ATP8A1: variants seen among roughly 807,000 people sequenced by gnomAD.
The protein encoded by ATP8A1 is ATPase phospholipid transporting 8A1.
ATP8A1 carries 90 observed loss-of-function variants against 177.7 expected under a neutral mutation model. The observed-to-expected ratio is 0.51, with a 90% CI of 0.43 to 0.60. The LOEUF (loss-of-function observed/expected upper bound fraction) is 0.60. Ranked by LOEUF, ATP8A1 falls within the 20% of genes least tolerant of loss-of-function variation. The pLI is 0.00. For missense variants in ATP8A1, 1,072 were observed against 1,392.8 expected (o/e 0.77, Z 3.67); for synonymous variants, 493 against 485.9 (o/e 1.01, Z -0.19).
At chr4:42,628,081 AG>A (rs1400998478) in intron 1 of ATP8A1, among the ~76,000 whole-genome samples, 1 of 152,160 alleles carries the variant, frequency 6.6e-6, no homozygotes, top group Non-Finnish European at 1.5e-5. Flanking sequence ...AGGGCCATAG[AG>A]GGTGTGTTAT....
chr4:42,610,854 C>T lies in ATP8A1; in HGVS notation c.409+5179G>A, dbSNP rs576869866. Among the ~76,000 whole-genome samples the T allele has an allele frequency of 3.9e-4, 60 of 152,250 alleles. 1 individual carries two copies. In the South Asian group the frequency reaches 7.7e-3, roughly 19 times the overall value. ...CCATTTATAGGTAAGCCAACATACA[C>T]GTGGCAGAATATATGTTCAGGTCTA... On this transcript the variant is annotated intron_variant, in intron 5 of 36. Transcript: ENST00000381668.
chr4:42,601,038 T>TC lies in ATP8A1; in HGVS notation c.410-521_410-520insG, dbSNP rs1553913940. On this transcript the variant is annotated intron_variant, in intron 5 of 36. Coordinates refer to ENST00000381668, the MANE Select transcript of ATP8A1 (RefSeq NM_006095.2). Reference sequence around the variant, plus strand: ...GCAAAAACAACCCAAATTTTCTTTTTTTTTTTTTTTTTTTTGAGATGGAGT... The same window carrying TC: ...GCAAAAACAACCCAAATTTTCTTTTTCTTTTTTTTTTTTTTTGAGATGGAGT... 9.6e-3 allele frequency among the ~76,000 whole-genome samples: 1,343 copies of TC among 139,848 alleles called. 14 individuals carry two copies. The highest frequency in any genetic ancestry group is 0.025 in the Middle Eastern group (7 of 280). 91.7% of individuals were successfully genotyped at this position (139,848 alleles called of 152,430 possible).
At chr4:42,617,295 C>T (rs530937750) in intron 4 of ATP8A1, among the ~76,000 whole-genome samples, 2 of 152,216 alleles carry the variant, frequency 1.3e-5, no homozygotes, top group South Asian at 2.1e-4. Flanking sequence ...AATGCCTCTG[C>T]GAAAGAATTG....
At chr4:42,607,837 C>T (rs886868402) in intron 5 of ATP8A1, among the ~76,000 whole-genome samples, 15 of 145,064 alleles carry the variant, frequency 1.0e-4, no homozygotes, top group Non-Finnish European at 1.2e-4. Context: ...ATATGGAAAG[C>T]GTTAAGAGCC....
At position 42,517,343 on chromosome 4, in the gene ATP8A1, A is replaced by G. The variant is rs529935720; in HGVS notation, c.1947+4817T>C. ...GATTTAAAAAATATAGGCTGACACT[A>G]TAAGTGGTTTCCCAATCTAAAATTA... On this transcript the variant is annotated intron_variant, in intron 22 of 36. Transcript: ENST00000381668. Among the ~76,000 whole-genome samples the G allele has an allele frequency of 5.9e-5, 9 of 152,046 alleles. No homozygotes were observed. The South Asian group carries it at 1.2e-3, about 21-fold the overall frequency.
chr4:42,530,920 A>G (rs1039483708), intron 20 of ATP8A1, among the ~76,000 whole-genome samples: 4 of 152,194 alleles, frequency 2.6e-5, no homozygotes, highest in Non-Finnish European at 5.9e-5. Flanking sequence ...CTGCGACATT[A>G]TGTTCTGCTG....
intron 1 of ATP8A1, among the ~76,000 whole-genome samples, chr4:42,634,523 T>C (rs1444737615): frequency 1.3e-5 from 2 of 152,158 alleles, no homozygotes; most frequent in Non-Finnish European, 2.9e-5. Flanking sequence ...CATTATTACA[T>C]GGTAATCAAT....
chr4:42,543,863 T>C (rs532025368), intron 20 of ATP8A1, 54 bp downstream of exon 20: 10 of 1,310,690 alleles, frequency 7.6e-6, no homozygotes, highest in African/African-American at 6.0e-5. Flanking sequence ...GCCTAACATA[T>C]ACATTATAAA....
rs11311245 is a variant in ATP8A1 at position 42,446,080 on chromosome 4, C to CAAAAAAAAAAAAAAAAAAAAAAAA, written c.2958+502_2958+503insTTTTTTTTTTTTTTTTTTTTTTTT. On this transcript the variant is annotated intron_variant, in intron 31 of 36. Transcript: ENST00000381668. ...GGGCGACAAGAGTGAAACGCCCTCT[C>CAAAAAAAAAAAAAAAAAAAAAAAA]AAAAAAAAAAAAAAAAAAAGAGAAG... 1.4e-3 allele frequency among the ~76,000 whole-genome samples: 91 copies of CAAAAAAAAAAAAAAAAAAAAAAAA among 63,768 alleles called. 9 individuals are homozygous for CAAAAAAAAAAAAAAAAAAAAAAAA. Among genetic ancestry groups the CAAAAAAAAAAAAAAAAAAAAAAAA allele is most frequent in the Non-Finnish European group, 2.2e-3 (67 of 30,440 alleles). 41.8% of individuals were successfully genotyped at this position (63,768 alleles called of 152,430 possible).
At chr4:42,629,378 C>T (rs897116054) in intron 1 of ATP8A1, among the ~76,000 whole-genome samples, 3 of 152,226 alleles carry the variant, frequency 2.0e-5, no homozygotes, top group African/African-American at 7.2e-5. Context: ...CCAGGCATTA[C>T]AGAAAAGCTT....
intron 30 of ATP8A1, among the ~76,000 whole-genome samples, chr4:42,447,834 G>A (rs1717453655): frequency 6.6e-6 from 1 of 152,098 alleles, no homozygotes; most frequent in African/African-American, 2.4e-5. Flanking sequence ...GCTAAAACGA[G>A]TGAAGCTATT....
chr4:42,488,839 C>T (rs1374013726), intron 24 of ATP8A1, among the ~76,000 whole-genome samples: 1 of 152,180 alleles, frequency 6.6e-6, no homozygotes, highest in Non-Finnish European at 1.5e-5. Flanking sequence ...TCTACTGCAG[C>T]AAAACCCTGA....
At chr4:42,462,534 T>C (rs907323538) in intron 27 of ATP8A1, among the ~76,000 whole-genome samples, 1 of 152,248 alleles carries the variant, frequency 6.6e-6, no homozygotes, top group Non-Finnish European at 1.5e-5. Context: ...AACCTCTGCC[T>C]AGATTTCTGA....
chr4:42,473,820 GTTT>G (rs35611601), intron 25 of ATP8A1, among the ~76,000 whole-genome samples: 6 of 131,672 alleles, frequency 4.6e-5, no homozygotes, highest in African/African-American at 1.3e-4. Context: ...TAATTTTTGT[GTTT>G]TTTTTTTTTT....
chr4:42,452,504 G>T (rs1409515435), intron 29 of ATP8A1, among the ~76,000 whole-genome samples: 1 of 152,048 alleles, frequency 6.6e-6, no homozygotes, highest in Admixed American at 6.6e-5. Context: ...CTCTTATCAA[G>T]AGATATAAAG....
chr4:42,467,779 CAT>C lies in ATP8A1; in HGVS notation c.2325-2705_2325-2704del, dbSNP rs533605928. ...CCATTAGTGATGTCAAGCATTTTTT[CAT>C]ATGTTTGTTGGCCATCTGTATATCT... On this transcript the variant is annotated intron_variant, in intron 25 of 36. Transcript: ENST00000381668. 9.9e-5 allele frequency among the ~76,000 whole-genome samples: 15 copies of C among 152,230 alleles called. No individual in the cohort carries two copies. In the East Asian group the frequency reaches 2.1e-3, roughly 22 times the overall value.
chr4:42,457,561 G>A (rs767101854), intron 27 of ATP8A1, among the ~76,000 whole-genome samples: 6 of 152,308 alleles, frequency 3.9e-5, no homozygotes, highest in South Asian at 2.1e-4. Flanking sequence ...TACCAAATTC[G>A]TCTAACGGAC....
intron 5 of ATP8A1, among the ~76,000 whole-genome samples, chr4:42,606,494 T>G (rs1431591440): frequency 2.0e-5 from 3 of 146,780 alleles, no homozygotes; most frequent in African/African-American, 7.3e-5. Flanking sequence ...CTATATATGC[T>G]TAAACTGAGT....
intron 1 of ATP8A1, among the ~76,000 whole-genome samples, chr4:42,647,461 T>C (rs1212542032): frequency 6.6e-6 from 1 of 152,014 alleles, no homozygotes; most frequent in Non-Finnish European, 1.5e-5. Flanking sequence ...AAATGTAAAC[T>C]ACCACTCATA....
Sources: allele counts gnomAD v4.1 joint callset (sites outside exome capture counted in the v4.1 genomes callset), GRCh38; gene constraint gnomAD v4.1.1; transcripts MANE v1.5; gene names NCBI Gene and HGNC (gene_info 2026-07-23, HGNC 2026-07-21).